PCDH15: variants seen among roughly 807,000 people sequenced by gnomAD.
PCDH15 encodes the protein protocadherin related 15.
Under a neutral mutation model 178.5 loss-of-function variants are expected in PCDH15, and 129 were observed. The ratio of observed to expected loss-of-function variants is 0.72; its 90% confidence interval spans 0.63 to 0.84. PCDH15 has a LOEUF of 0.84. Ranked by LOEUF, PCDH15 falls within the 40% of genes least tolerant of loss-of-function variation. The pLI, the probability that PCDH15 is intolerant of heterozygous loss-of-function variation, is 0.00. For synonymous variants in PCDH15, 800 were observed against 732.0 expected (o/e 1.09, Z -1.50); for missense variants, 2,230 against 2,099.9 (o/e 1.06, Z -1.21).
At chr10:55,447,091 A>C (rs1156831981) in intron 2 of PCDH15, among the ~76,000 whole-genome samples, 2 of 152,124 alleles carry the variant, frequency 1.3e-5, no homozygotes, top group Non-Finnish European at 2.9e-5. Context: ...AAACACAATG[A>C]ATAATAATAA....
At chr10:54,779,458 A>ATATG (rs1950081282) in intron 1 of PCDH15, among the ~76,000 whole-genome samples, 2 of 57,236 alleles carry the variant, frequency 3.5e-5, no homozygotes, top group African/African-American at 5.8e-5. Flanking sequence ...ACACTCATAT[A>ATATG]TGTGTGTATA....
chr10:55,474,867 A>G (rs922443134), intron 2 of PCDH15, among the ~76,000 whole-genome samples: 3 of 152,050 alleles, frequency 2.0e-5, no homozygotes, highest in Non-Finnish European at 4.4e-5. Flanking sequence ...TTCAAAATAT[A>G]CTCTCTACCA....
intron 2 of PCDH15, among the ~76,000 whole-genome samples, chr10:54,630,139 G>A (rs1162946861): frequency 2.6e-5 from 4 of 151,990 alleles, no homozygotes; most frequent in Admixed American, 1.3e-4. Context: ...TACCGACTAC[G>A]TTTTTCCCAG....
At position 55,079,203 on chromosome 10, in the gene PCDH15, T is replaced by C. The variant is rs1310635578; in HGVS notation, c.-80+87373A>G. On this transcript the variant is annotated intron_variant, in intron 2 of 5. Coordinates refer to the PCDH15 transcript ENST00000458638. ...TGTTTTCTGTGTCTTTATGTTGATA[T>C]CTATGCACCTGTTGTAATGCTCACT... is the stretch of plus-strand genomic sequence containing the variant. Among the ~76,000 whole-genome samples, 2 of 152,220 alleles carry C rather than the reference T, an allele frequency of 1.3e-5. 1 individual carries two copies. The highest frequency in any genetic ancestry group is 4.8e-5 in the African/African-American group (2 of 41,466).
At chr10:55,457,335 T>C (rs968634963) in intron 2 of PCDH15, among the ~76,000 whole-genome samples, 3 of 152,116 alleles carry the variant, frequency 2.0e-5, no homozygotes, top group African/African-American at 7.2e-5. Flanking sequence ...TTTGCATTAA[T>C]ATGCAATTAA....
chr10:54,715,331 C>T (rs1449532225), intron 1 of PCDH15, among the ~76,000 whole-genome samples: 2 of 152,168 alleles, frequency 1.3e-5, no homozygotes, highest in African/African-American at 2.4e-5. Context: ...ATCTTATTCC[C>T]CCAAGTGTAG....
chr10:54,289,064 G>C (rs2059219988), intron 8 of PCDH15, among the ~76,000 whole-genome samples: 2 of 152,226 alleles, frequency 1.3e-5, no homozygotes, highest in Non-Finnish European at 2.9e-5. Flanking sequence ...GCCTCCTCAA[G>C]TGGGTCCCTG....
intron 2 of PCDH15, among the ~76,000 whole-genome samples, chr10:54,616,497 C>G (rs1276546125): frequency 6.6e-6 from 1 of 152,064 alleles, no homozygotes; most frequent in East Asian, 1.9e-4. Context: ...TGTGGACTCC[C>G]CAACTGTAAT....
At chr10:54,568,195 T>C (rs1203197605) in intron 2 of PCDH15, among the ~76,000 whole-genome samples, 2 of 152,038 alleles carry the variant, frequency 1.3e-5, no homozygotes, top group Non-Finnish European at 2.9e-5. Flanking sequence ...TTCCCCATGT[T>C]AGTAAGGCCT....
At chr10:54,467,347 T>C (rs1018839409) in intron 3 of PCDH15, among the ~76,000 whole-genome samples, 9 of 151,828 alleles carry the variant, frequency 5.9e-5, no homozygotes, top group African/African-American at 2.2e-4. Flanking sequence ...CCTAATTTGT[T>C]GAGTTTTTAT....
chr10:54,144,479 C>T (rs962182584), intron 14 of PCDH15, among the ~76,000 whole-genome samples: 4 of 151,980 alleles, frequency 2.6e-5, no homozygotes, highest in Non-Finnish European at 5.9e-5. Flanking sequence ...GATGCTAGAC[C>T]CCTCATTCAT....
intron 10 of PCDH15, among the ~76,000 whole-genome samples, chr10:54,199,570 CAAT>C (rs68082093): frequency 3.4e-4 from 48 of 142,524 alleles, no homozygotes; most frequent in Non-Finnish European, 5.2e-4. Flanking sequence ...ACAACAACAA[CAAT>C]AATAATAATA....
chr10:54,090,759 A>G (rs573971541), intron 15 of PCDH15, among the ~76,000 whole-genome samples: 9 of 152,286 alleles, frequency 5.9e-5, no homozygotes, highest in African/African-American at 1.7e-4. Context: ...AAATCAGTCT[A>G]ACTTTCTGGT....
At chr10:54,113,579 A>G (rs1365809480) in intron 15 of PCDH15, among the ~76,000 whole-genome samples, 1 of 151,180 alleles carries the variant, frequency 6.6e-6, no homozygotes, top group Non-Finnish European at 1.5e-5. Context: ...CAGTCTTTTA[A>G]ATAAATCTTG....
chr10:53,875,366 A>G (rs117487005), intron 26 of PCDH15, among the ~76,000 whole-genome samples: 4,842 of 152,018 alleles, frequency 0.032, 121 homozygotes, highest in Non-Finnish European at 0.049. Context: ...TCTATAATTT[A>G]TTAATAGTAA....
At chr10:54,053,409 T>C (rs2093819787) in intron 18 of PCDH15, among the ~76,000 whole-genome samples, 1 of 152,216 alleles carries the variant, frequency 6.6e-6, no homozygotes, top group Non-Finnish European at 1.5e-5. Context: ...TGTAGTGAAA[T>C]TTCTAACATC....
chr10:54,374,691 T>G (rs1948148312), intron 4 of PCDH15, among the ~76,000 whole-genome samples: 1 of 148,372 alleles, frequency 6.7e-6, no homozygotes. Flanking sequence ...TTTATGTAAC[T>G]TTAGTGAACA....
intron 2 of PCDH15, among the ~76,000 whole-genome samples, chr10:54,623,211 A>G (rs2093443213): frequency 6.6e-6 from 1 of 152,076 alleles, no homozygotes; most frequent in Non-Finnish European, 1.5e-5. Context: ...AAACGACATC[A>G]ATTAATGAAG....
intron 1 of PCDH15, among the ~76,000 whole-genome samples, chr10:55,189,791 A>G (rs1839894916): frequency 6.6e-6 from 1 of 151,818 alleles, no homozygotes; most frequent in Non-Finnish European, 1.5e-5. Context: ...AATTGGGGTA[A>G]ATGGAGTTCT....
Sources: allele counts gnomAD v4.1 joint callset (sites outside exome capture counted in the v4.1 genomes callset), GRCh38; gene constraint gnomAD v4.1.1; transcripts MANE v1.5; gene names NCBI Gene and HGNC (gene_info 2026-07-23, HGNC 2026-07-21).